NXF1: variants seen among roughly 807,000 people sequenced by gnomAD.
The protein encoded by NXF1 is mRNA export factor TAP.
Under a neutral mutation model 92.4 loss-of-function variants are expected in NXF1, and 43 were observed. That is an observed-to-expected ratio of 0.47 (90% CI 0.36 to 0.60). The LOEUF is 0.60. NXF1 is among the 20% of genes least tolerant of loss of function. The probability of loss-of-function intolerance (pLI) is 0.00; values close to 1 mark genes in which losing one functional copy is unlikely to be tolerated. For missense variants in NXF1, 576 were observed against 793.0 expected (o/e 0.73, Z 3.29); for synonymous variants, 288 against 292.2 (o/e 0.99, Z 0.15).
intron 10 of NXF1, chr11:62,800,160 C>A (rs1473880045): frequency 1.4e-6 from 2 of 1,396,616 alleles, no homozygotes; most frequent in East Asian, 5.3e-5. Flanking sequence ...ACAGACCCAG[C>A]AAACAGATAG....
chr11:62,802,270 A>C lies in NXF1; in HGVS notation c.370-10T>G. 1.2e-6 allele frequency: 2 copies of C among 1,610,564 alleles called. No homozygotes were observed. The highest frequency in any genetic ancestry group is 1.7e-6 in the Non-Finnish European group (2 of 1,176,912). ...TTCTGCCATAAGGAATCTAGAAATG[A>C]GAGAAAGAGAAAAGAAGGGAATGAT... On this transcript the variant is annotated splice_polypyrimidine_tract_variant and intron_variant, in intron 3 of 20. Coordinates refer to ENST00000294172, the MANE Select transcript of NXF1 (RefSeq NM_006362.5).
Position 62,805,360 on chromosome 11 carries a change from A to G in NXF1, c.-4T>C, listed in dbSNP as rs752356466. 1.6e-5 allele frequency: 25 copies of G among 1,611,310 alleles called. No homozygotes were observed. In the South Asian group the frequency reaches 2.8e-4, roughly 18 times the overall value. ...ACGACTTCCCCTCGTCCGCCATGCC[A>G]CAGCGAAGATCAAGGGCGGGCTCAG... On this transcript the variant is annotated 5_prime_UTR_variant, in exon 1 of 21. Transcript: ENST00000294172.
chr11:62,795,959 C>T lies in NXF1; in HGVS notation c.1462-16G>A. The T allele has an allele frequency of 1.9e-6, 3 of 1,613,976 alleles. No individual in the cohort carries two copies. The highest frequency in any genetic ancestry group is 1.7e-6 in the Non-Finnish European group (2 of 1,179,976). On this transcript the variant is annotated splice_polypyrimidine_tract_variant and intron_variant, in intron 16 of 20. Transcript: ENST00000294172. ...GCAATGTGCTCTGAAAGAGAAGCAGCATCAGGTACAATGTACACTTCTCAG... is the reference window on the plus strand; with the variant it reads ...GCAATGTGCTCTGAAAGAGAAGCAGTATCAGGTACAATGTACACTTCTCAG...
intron 17 of NXF1, 162 bp from the exon 18 acceptor site, chr11:62,795,169 G>T (rs1432541838): frequency 4.8e-6 from 3 of 627,716 alleles, no homozygotes. Flanking sequence ...GAAGGGTCAG[G>T]TCAGAAAGGA....
intron 17 of NXF1, chr11:62,795,240 G>A (rs1442281176): frequency 1.4e-5 from 6 of 439,902 alleles, no homozygotes; most frequent in Non-Finnish European, 2.1e-5. Flanking sequence ...CACTTTGGGA[G>A]GCTGAGGTGG....
chr11:62,804,256 T>G (rs1256872080), intron 1 of NXF1: 2 of 1,406,184 alleles, frequency 1.4e-6, no homozygotes, highest in South Asian at 1.3e-5. Context: ...GACCCAAAAG[T>G]GTAACTGAAC....
At position 62,799,549 on chromosome 11, in the gene NXF1, C is replaced by T. The variant is rs2134771671; in HGVS notation, c.1016+828G>A. On this transcript the variant is annotated intron_variant, in intron 10 of 20. Transcript: ENST00000294172. ...TGTGCCTGTCTTAGGTTGTTCCTTCCCTGAGGAATCTTACCCGTCTCTGGC... is the reference window on the plus strand; with the variant it reads ...TGTGCCTGTCTTAGGTTGTTCCTTCTCTGAGGAATCTTACCCGTCTCTGGC... 5 of 985,638 alleles carry T rather than the reference C, an allele frequency of 5.1e-6. No homozygotes were observed. The South Asian group carries it at 2.3e-4, about 46-fold the overall frequency. 61.1% of individuals were successfully genotyped at this position (985,638 alleles called of 1,614,324 possible).
chr11:62,792,945 T>C (rs770933831), intron 19 of NXF1, among the ~76,000 whole-genome samples: 66 of 152,240 alleles, frequency 4.3e-4, no homozygotes, highest in Non-Finnish European at 8.2e-4. Flanking sequence ...GGGAAAGATG[T>C]TCATGGTGTA....
chr11:62,792,829 T>C, intron 19 of NXF1, 128 bp from the exon 20 acceptor site: 1 of 734,504 alleles, frequency 1.4e-6, no homozygotes, highest in Non-Finnish European at 2.3e-6. Flanking sequence ...GCACTATTTA[T>C]ACAAATGAGA....
intron 11 of NXF1, among the ~76,000 whole-genome samples, chr11:62,797,835 C>T (rs2084437049): frequency 6.6e-6 from 1 of 151,656 alleles, no homozygotes. Flanking sequence ...TGAAAAGTAT[C>T]CAGGGATCCA....
rs199956847 is a variant in NXF1, at chr11:62,797,337, G to A, written c.1103C>T (p.Thr368Met). 44 of 1,613,984 alleles carry A rather than the reference G, an allele frequency of 2.7e-5. No individual in the cohort carries two copies. The highest frequency in any genetic ancestry group is 3.3e-5 in the Admixed American group (2 of 60,002). ...TCCTACCTTGCAGGGCGGTAACGTC[G>A]TGGGGGCTTCAACATCAAAGGCAAT... ...PPIAFDVEAP[T>M]TLPPCKGSYF... The change falls in exon 12 of 21, where the codon ACG becomes ATG. Residue 368 changes from threonine (T) to methionine (M), a missense_variant. By Grantham distance (81) the Thr-to-Met change is moderately conservative (BLOSUM62 -1). Around this residue, in one of 2 missense-constraint regions of NXF1, gnomAD observed 425 missense variants for 635.2 expected, o/e 0.67. Transcript: ENST00000294172.
chr11:62,796,290 G>T lies in NXF1; in HGVS notation c.1342C>A (p.Pro448Thr). The T allele has an allele frequency of 6.2e-7, 1 of 1,614,066 alleles. No homozygotes were observed. Among genetic ancestry groups the T allele is most frequent in the South Asian group, 1.1e-5 (1 of 91,088 alleles). The stretch of plus-strand genomic sequence containing the variant: ...TTTGTTCGTATCACACACTTACTAG[G>T]GTCTTTAAGCTTCTTCACATTTCTG... ...DSRNVKKLKD[P>T]TLRFRLLKHT... Residue 448 changes from proline to threonine, a missense_variant, in exon 15 of 21, where the codon CCT becomes ACT. Physicochemically the swap from Pro to Thr is conservative, Grantham distance 38. This residue lies in a region of NXF1 where 425 missense variants were observed against 635.2 expected (regional missense o/e 0.67). Coordinates refer to ENST00000294172, the MANE Select transcript of NXF1 (RefSeq NM_006362.5).
intron 11 of NXF1, among the ~76,000 whole-genome samples, chr11:62,797,926 A>G (rs1374633670): frequency 6.6e-6 from 1 of 152,056 alleles, no homozygotes; most frequent in African/African-American, 2.4e-5. Context: ...TCAGGAGTTC[A>G]AGACCATCCT....
At position 62,805,380 on chromosome 11, in the gene NXF1, G is replaced by A. The variant is rs780153226; in HGVS notation, c.-24C>T. On this transcript the variant is annotated 5_prime_UTR_variant, in exon 1 of 21. Coordinates refer to ENST00000294172, the MANE Select transcript of NXF1 (RefSeq NM_006362.5). ...ATGCCACAGCGAAGATCAAGGGCGG[G>A]CTCAGGCGCTGGCCGCTACGCCGGC... is the stretch of plus-strand genomic sequence containing the variant. 6.2e-7 allele frequency: 1 copy of A among 1,610,672 alleles called. No individual in the cohort carries two copies. The highest frequency in any genetic ancestry group is 8.5e-7 in the Non-Finnish European group (1 of 1,178,586).
At chr11:62,794,182 A>T (rs1408621074) in intron 19 of NXF1, 76 bp downstream of exon 19, 1 of 1,434,966 alleles carries the variant, frequency 7.0e-7, no homozygotes, top group African/African-American at 1.4e-5. Flanking sequence ...AAAACAAAAA[A>T]ACTGTCAGGA....
At position 62,792,242 on chromosome 11, in the gene NXF1, G is replaced by C; in HGVS notation, c.*234C>G. 1.5e-6 allele frequency: 1 copy of C among 680,002 alleles called. No individual in the cohort carries two copies. The highest frequency in any genetic ancestry group is 1.8e-5 in the South Asian group (1 of 56,816). The allele number at this position is 680,002 out of a possible 1,614,324, so 42.1% of individuals were successfully genotyped here. On this transcript the variant is annotated 3_prime_UTR_variant, in exon 21 of 21. Transcript: ENST00000294172. ...AGTACACAAAGCACCTAAGTCCTTC[G>C]GGTAGTTTAGTGTCAGTTCTACAAA...
intron 19 of NXF1, among the ~76,000 whole-genome samples, chr11:62,793,990 G>C (rs1384705919): frequency 6.7e-6 from 1 of 149,882 alleles, no homozygotes; most frequent in Non-Finnish European, 1.5e-5. Flanking sequence ...AACATAGCAA[G>C]ACTCCACCTC....
In NXF1 at chr11:62,804,297, T is replaced by C; in HGVS notation, c.29-319A>G. ...TCAGACCTCTGAAAGCCACCTGAAA[T>C]CTGCCACTCAGTACTTTGTCTATAC... On this transcript the variant is annotated intron_variant, in intron 1 of 20. Transcript: ENST00000294172. 2.9e-6 allele frequency: 3 copies of C among 1,041,034 alleles called. No homozygotes were observed. The South Asian group carries it at 4.5e-5, about 16-fold the overall frequency. The allele number at this position is 1,041,034 out of a possible 1,614,324, so 64.5% of individuals were successfully genotyped here. A position where few individuals can be genotyped will look rare whatever the true frequency, so the allele number is the denominator to read the frequency against.
intron 3 of NXF1, 34 bp from the exon 4 acceptor site, chr11:62,802,294 A>G (rs1370513966): frequency 1.3e-6 from 2 of 1,574,780 alleles, no homozygotes; most frequent in East Asian, 2.2e-5. Flanking sequence ...GAAGGGAATG[A>G]TAAGTAAGGC....
Sources: allele counts gnomAD v4.1 joint callset (sites outside exome capture counted in the v4.1 genomes callset), GRCh38; gene constraint gnomAD v4.1.1; regional missense constraint gnomAD v4.1.1; transcripts MANE v1.5; gene names NCBI Gene and HGNC (gene_info 2026-07-23, HGNC 2026-07-21).